Variants in ARID3A observed in about 807,000 individuals in gnomAD.
ARID3A encodes the protein AT-rich interactive domain-containing protein 3A.
In ARID3A, 11 loss-of-function variants were observed where a neutral mutation model predicts 52.7. That is an observed-to-expected ratio of 0.21 (90% CI 0.13 to 0.35). The LOEUF is 0.35. Among genes scored for constraint, ARID3A ranks in the 10% least tolerant of loss-of-function variants. The pLI is 1.00. For synonymous variants in ARID3A, 404 were observed against 359.4 expected (o/e 1.12, Z -1.40); for missense variants, 721 against 838.5 (o/e 0.86, Z 1.73).
chr19:955,436 A>G (rs1296940533), intron 3 of ARID3A, among the ~76,000 whole-genome samples: 4 of 152,178 alleles, frequency 2.6e-5, no homozygotes, highest in Non-Finnish European at 5.9e-5. Flanking sequence ...CCGGCCCCAC[A>G]GGGGTCTGAC....
intron 3 of ARID3A, among the ~76,000 whole-genome samples, chr19:933,597 C>T (rs1302676340): frequency 6.6e-6 from 1 of 152,144 alleles, no homozygotes; most frequent in African/African-American, 2.4e-5. Context: ...TGCCTCGGGG[C>T]AGCCCCTTCG....
intron 8 of ARID3A, among the ~76,000 whole-genome samples, chr19:969,070 G>C (rs535385573): frequency 6.6e-6 from 1 of 151,998 alleles, no homozygotes; most frequent in South Asian, 2.1e-4. Flanking sequence ...GCCACAGACC[G>C]AGACCCTGTC....
chr19:952,441 C>CA (rs10663796), intron 3 of ARID3A, among the ~76,000 whole-genome samples: 1,924 of 59,762 alleles, frequency 0.032, 411 homozygotes, highest in African/African-American at 0.086. Flanking sequence ...GACCCTGTCT[C>CA]AAAAAAAAAA....
chr19:973,401 G>T lies in ARID3A; in HGVS notation c.*1336G>T, dbSNP rs543409655. On this transcript the variant is annotated 3_prime_UTR_variant, in exon 9 of 9. Transcript: ENST00000263620. Reference sequence around the variant, plus strand: ...AGTGCTGGGATTACAGGCATGAGCCGCCACGCTGGCCCGGTCTGGAAATCT... The same window carrying T: ...AGTGCTGGGATTACAGGCATGAGCCTCCACGCTGGCCCGGTCTGGAAATCT... 23 of 190,264 alleles carry T rather than the reference G, an allele frequency of 1.2e-4. No individual in the cohort carries two copies. The highest frequency in any genetic ancestry group is 4.9e-4 in the African/African-American group (21 of 42,966). 11.8% of individuals were successfully genotyped at this position (190,264 alleles called of 1,614,324 possible).
In ARID3A at chr19:975,938, A is replaced by G. The variant is rs2038368726; in HGVS notation, c.*3873A>G. ...AAAACACTTCTGACTTTTAACAGAA[A>G]AGTGTCCTGTGGTGTTTTTTTTCTT... is the stretch of plus-strand genomic sequence containing the variant. On this transcript the variant is annotated 3_prime_UTR_variant, in exon 9 of 9. Transcript: ENST00000263620. 5.6e-6 allele frequency: 1 copy of G among 177,252 alleles called. No individual in the cohort carries two copies. Among genetic ancestry groups the G allele is most frequent in the East Asian group, 9.6e-5 (1 of 10,470 alleles). The allele number at this position is 177,252 out of a possible 1,614,324, so 11.0% of individuals were successfully genotyped here. A position where few individuals can be genotyped will look rare whatever the true frequency, so the allele number is the denominator to read the frequency against.
chr19:961,345 C>T (rs1046849231), intron 4 of ARID3A, among the ~76,000 whole-genome samples: 2 of 152,224 alleles, frequency 1.3e-5, no homozygotes, highest in East Asian at 1.9e-4. Context: ...CACTGCCCAG[C>T]GGCCTCCGAG....
intron 8 of ARID3A, among the ~76,000 whole-genome samples, chr19:971,089 C>T (rs900389946): frequency 1.1e-4 from 16 of 152,208 alleles, no homozygotes; most frequent in East Asian, 1.9e-4. Flanking sequence ...GCTGTGTGCA[C>T]GCTGATGTGC....
chr19:937,039 G>A (rs2145369933), intron 3 of ARID3A, among the ~76,000 whole-genome samples: 1 of 152,190 alleles, frequency 6.6e-6, no homozygotes. Flanking sequence ...AGGCTGAGGT[G>A]GGCAGAGCAC....
rs1301599577 is a variant in ARID3A, at chr19:947,506, A to G, written c.694-12586A>G. The stretch of plus-strand genomic sequence containing the variant: ...CCGGTCAGCGTCTCCTCCCTGAGCA[A>G]GGGACTCCCCCATCCATGTCTCAGC... On this transcript the variant is annotated intron_variant, in intron 3 of 8. Coordinates refer to ENST00000263620, the MANE Select transcript of ARID3A (RefSeq NM_005224.3). The surrounding 1 kb of genome is among the most constrained non-coding windows in gnomAD (Gnocchi z 6.3). Among the ~76,000 whole-genome samples, 1 of 152,066 alleles carries G rather than the reference A, an allele frequency of 6.6e-6. No individual in the cohort carries two copies. The highest frequency in any genetic ancestry group is 1.5e-5 in the Non-Finnish European group (1 of 68,002).
chr19:973,449 G>A lies in ARID3A; in HGVS notation c.*1384G>A, dbSNP rs977608273. The A allele has an allele frequency of 2.4e-5, 5 of 207,362 alleles. No individual in the cohort carries two copies. The highest frequency in any genetic ancestry group is 1.1e-4 in the African/African-American group (5 of 43,832). The allele number at this position is 207,362 out of a possible 1,614,324, so 12.8% of individuals were successfully genotyped here. On this transcript the variant is annotated 3_prime_UTR_variant, in exon 9 of 9. Transcript: ENST00000263620. ...TCTTATCTAAAAAGTAGCAAGTGCT[G>A]GAAAAAGGGCCTGGGGGGCGGGGGT... is the stretch of plus-strand genomic sequence containing the variant.
chr19:953,700 C>T (rs1333262883), intron 3 of ARID3A, among the ~76,000 whole-genome samples: 1 of 151,986 alleles, frequency 6.6e-6, no homozygotes, highest in East Asian at 1.9e-4. Context: ...AGGAGCCGAG[C>T]GGGGACCCGG....
chr19:972,077 C>T lies in ARID3A; in HGVS notation c.*12C>T. 2 of 1,511,754 alleles carry T rather than the reference C, an allele frequency of 1.3e-6. No individual in the cohort carries two copies. Among genetic ancestry groups the T allele is most frequent in the Non-Finnish European group, 1.8e-6 (2 of 1,132,806 alleles). The allele number at this position is 1,511,754 out of a possible 1,614,324, so 93.6% of individuals were successfully genotyped here. A position where few individuals can be genotyped will look rare whatever the true frequency, so the allele number is the denominator to read the frequency against. ...ACTCGTTGCCTTAACCGCATCACTC[C>T]CCACCCGCCACCCACCCTGGAGCCC... On this transcript the variant is annotated 3_prime_UTR_variant, in exon 9 of 9. Transcript: ENST00000263620.
chr19:945,764 G>A (rs935752433), intron 3 of ARID3A, among the ~76,000 whole-genome samples: 3 of 152,186 alleles, frequency 2.0e-5, no homozygotes, highest in African/African-American at 7.2e-5. Context: ...ACATGGCCGG[G>A]GCAGGCGTGT....
intron 3 of ARID3A, among the ~76,000 whole-genome samples, chr19:958,665 G>T (rs927808065): frequency 6.6e-6 from 1 of 151,476 alleles, no homozygotes; most frequent in South Asian, 2.1e-4. Context: ...AGGCCGAGGC[G>T]GGCGGATCAC....
chr19:927,971 A>G (rs8108687), intron 1 of ARID3A, among the ~76,000 whole-genome samples: 108,638 of 151,926 alleles, frequency 0.72, 38,967 homozygotes, highest in East Asian at 0.75. Flanking sequence ...CAGAGGGGCC[A>G]CAGGACTCTC....
At chr19:926,007 G>C (rs1389025061), upstream of ARID3A, 2 of 150,900 alleles carry the variant, frequency 1.3e-5, no homozygotes, top group African/African-American at 4.9e-5. Context: ...CGCGCGGGGC[G>C]CCTCTTACCA....
intron 3 of ARID3A, among the ~76,000 whole-genome samples, chr19:952,136 G>C (rs1012628627): frequency 6.6e-6 from 1 of 150,942 alleles, no homozygotes; most frequent in East Asian, 2.0e-4. Flanking sequence ...GCGAGACTCG[G>C]TCTCAAAACA....
At position 947,724 on chromosome 19, in the gene ARID3A, A is replaced by G. The variant is rs1215015133; in HGVS notation, c.694-12368A>G. ...GCTTCCCGGGCCGCGCTTCATTGTC[A>G]TTTCTGGAGAGTGTTATTAATATCC... On this transcript the variant is annotated intron_variant, in intron 3 of 8. Coordinates refer to ENST00000263620, the MANE Select transcript of ARID3A (RefSeq NM_005224.3). The surrounding 1 kb of genome is among the most constrained non-coding windows in gnomAD (Gnocchi z 6.3). Among the ~76,000 whole-genome samples the G allele has an allele frequency of 6.6e-6, 1 of 152,086 alleles. No homozygotes were observed. The highest frequency in any genetic ancestry group is 1.5e-5 in the Non-Finnish European group (1 of 68,014).
chr19:964,166 C>A lies in ARID3A; in HGVS notation c.767-82C>A. On this transcript the variant is annotated intron_variant, in intron 4 of 8. Coordinates refer to ENST00000263620, the MANE Select transcript of ARID3A (RefSeq NM_005224.3). This position sits in a 1 kb window ranked among gnomAD's most constrained non-coding sequence, Gnocchi z 5.7. ...AGCCTGGGCGGGGGAGTGCTCCTGGCATGGAGAGGGCGGAGGCCAGGACAC... is the reference window on the plus strand; with the variant it reads ...AGCCTGGGCGGGGGAGTGCTCCTGGAATGGAGAGGGCGGAGGCCAGGACAC... The A allele has an allele frequency of 2.5e-6, 3 of 1,214,034 alleles. No individual in the cohort carries two copies. The South Asian group carries it at 4.2e-5, about 17-fold the overall frequency. The allele number at this position is 1,214,034 out of a possible 1,614,324, so 75.2% of individuals were successfully genotyped here.
Sources: gnomAD v4.1 joint callset for allele counts (sites outside exome capture counted in the v4.1 genomes callset) on GRCh38, gnomAD v4.1.1 for gene constraint, Gnocchi (gnomAD v3.1) non-coding constraint, MANE v1.5 for transcripts, NCBI Gene and HGNC (gene_info 2026-07-23, HGNC 2026-07-21) for gene names.